Variants in NOL3 observed in about 807,000 individuals in gnomAD.
NOL3 encodes nucleolar protein 3.
In NOL3, 18 loss-of-function variants were observed where a neutral mutation model predicts 19.2. The ratio of observed to expected loss-of-function variants is 0.94; its 90% CI spans 0.65 to 1.39. The LOEUF (loss-of-function observed/expected upper bound fraction) is 1.39, where lower values mean the gene tolerates loss of function less well. Ranked by LOEUF, NOL3 falls within the 40% of genes most tolerant of loss-of-function variation. NOL3 has a pLI of 0.00. For missense variants in NOL3, 290 were observed against 289.5 expected (o/e 1.00, Z -0.01); for synonymous variants, 127 against 137.3 (o/e 0.93, Z 0.52).
At chr16:67,174,189 G>C in exon 2 of NOL3, 1 of 1,610,988 alleles carries the variant, frequency 6.2e-7, no homozygotes, top group South Asian at 1.1e-5. Flanking sequence ...GCGCAGGAGC[G>C]GCCGTCAGAG....
Position 67,174,447 on chromosome 16 carries a change from G to A in NOL3, c.278G>A (p.Trp93Ter). Residue 93 changes from tryptophan to a stop codon, truncating the protein, a stop_gained, in exon 2 of 4, where the codon TGG becomes TAG. Transcript: ENST00000268605. LOFTEE classifies it high-confidence loss of function. ...GGCGCGCCGGACCCCGCTTGGGACT[G>A]GCAGCACGTGGGTCCGGGTGAGCGC... 6.6e-7 allele frequency: 1 copy of A among 1,505,320 alleles called. No individual in the cohort carries two copies. Among genetic ancestry groups the A allele is most frequent in the Non-Finnish European group, 8.8e-7 (1 of 1,132,226 alleles). 93.2% of individuals were successfully genotyped at this position (1,505,320 alleles called of 1,614,324 possible).
At chr16:67,174,632 C>A in exon 3 of NOL3, 1 of 1,535,508 alleles carries the variant, frequency 6.5e-7, no homozygotes, top group African/African-American at 1.4e-5. Flanking sequence ...CTACCGGGAC[C>A]GCAGCTATGA....
At chr16:67,173,208 A>G (rs1156896075) in intron 1 of NOL3, among the ~76,000 whole-genome samples, 1 of 152,188 alleles carries the variant, frequency 6.6e-6, no homozygotes, top group Middle Eastern at 3.2e-3. Context: ...GGGTACTTCA[A>G]GATCAAACAA....
In NOL3 at chr16:67,175,227, C is replaced by T; in HGVS notation, c.*173C>T. The T allele has an allele frequency of 2.0e-6, 3 of 1,507,374 alleles. No homozygotes were observed. In the African/African-American group the frequency reaches 4.2e-5, roughly 21 times the overall value. 93.4% of individuals were successfully genotyped at this position (1,507,374 alleles called of 1,614,324 possible). A position where few individuals can be genotyped will look rare whatever the true frequency, so the allele number is the denominator to read the frequency against. ...CTCTCCACGATTCTGGCTGTTTGCC[C>T]AGGAACTTAGGGTGGGTACCTCTGA... is the stretch of plus-strand genomic sequence containing the variant. On this transcript the variant is annotated 3_prime_UTR_variant, in exon 4 of 4. Transcript: ENST00000268605.
chr16:67,173,343 G>T (rs1035344421), intron 1 of NOL3, among the ~76,000 whole-genome samples: 1 of 152,176 alleles, frequency 6.6e-6, no homozygotes, highest in African/African-American at 2.4e-5. Flanking sequence ...AAGAGATCTT[G>T]GTCAGAGCTA....
rs1271707063 is a variant in NOL3 at position 67,173,771 on chromosome 16, A to G, written c.-8-391A>G. 8 of 1,139,636 alleles carry G rather than the reference A, an allele frequency of 7.0e-6. No individual in the cohort carries two copies. The East Asian group carries it at 2.1e-4, about 29-fold the overall frequency. 70.6% of individuals were successfully genotyped at this position (1,139,636 alleles called of 1,614,324 possible). A position where few individuals can be genotyped will look rare whatever the true frequency, so the allele number is the denominator to read the frequency against. The stretch of plus-strand genomic sequence containing the variant: ...TTAGGTGGGGAAGCAGATTTGAGAG[A>G]AAGACCTTAGTTTGGATAAACGGGG... On this transcript the variant is annotated intron_variant, in intron 1 of 3. Coordinates refer to ENST00000268605, the Ensembl canonical transcript of NOL3.
exon 2 of NOL3, chr16:67,174,312 T>C (rs1018945656): frequency 6.2e-7 from 1 of 1,608,228 alleles, no homozygotes; most frequent in Non-Finnish European, 8.5e-7. Context: ...TACGAGGCAT[T>C]GGATGCACTG....
At chr16:67,175,195 C>T (rs1163658215) in exon 4 of NOL3, 1 of 1,545,776 alleles carries the variant, frequency 6.5e-7, no homozygotes, top group Admixed American at 1.9e-5. Context: ...CGGACGGGAC[C>T]TGGGCTCTCT....
In NOL3 at chr16:67,175,321, T is replaced by C. The variant is rs919039048; in HGVS notation, c.*267T>C. ...CCAGTCCTCAGCCCTAATCTGCCCT[T>C]AGGAGTCCAGGCTGCACCCTGGAGA... On this transcript the variant is annotated 3_prime_UTR_variant, in exon 4 of 4. Transcript: ENST00000268605. 7 of 1,376,750 alleles carry C rather than the reference T, an allele frequency of 5.1e-6. No individual in the cohort carries two copies. The Admixed American group carries it at 2.4e-4, about 46-fold the overall frequency. The allele number at this position is 1,376,750 out of a possible 1,614,324, so 85.3% of individuals were successfully genotyped here. A position where few individuals can be genotyped will look rare whatever the true frequency, so the allele number is the denominator to read the frequency against.
exon 2 of NOL3, chr16:67,174,225 T>C: frequency 6.2e-7 from 1 of 1,613,056 alleles, no homozygotes; most frequent in Non-Finnish European, 8.5e-7. Context: ...CGGAAACGCC[T>C]GGTCGAGACG....
chr16:67,175,023 GA>G, intron 3 of NOL3, 23 bp from the exon 4 acceptor site: 1 of 1,613,828 alleles, frequency 6.2e-7, no homozygotes, highest in Non-Finnish European at 8.5e-7. Context: ...CCACCTCTTT[GA>G]CCACTGTTCC....
At chr16:67,173,994 G>A (rs761063267) in intron 1 of NOL3, 168 bp from the exon 2 acceptor site, 30 of 1,540,140 alleles carry the variant, frequency 1.9e-5, no homozygotes, top group Non-Finnish European at 2.5e-5. Flanking sequence ...CGAGTTCCCC[G>A]TGTTGGCCTC....
chr16:67,174,474 CG>C lies in NOL3; in HGVS notation c.295+14del. On this transcript the variant is annotated intron_variant, in intron 2 of 3. Coordinates refer to ENST00000268605, the Ensembl canonical transcript of NOL3. ...CAGCACGTGGGTCCGGGTGAGCGCG[CG>C]GGGCGGGGCCTAGGGCAGAGCAGGG... 1 of 1,479,376 alleles carries C rather than the reference CG, an allele frequency of 6.8e-7. No homozygotes were observed. Among genetic ancestry groups the C allele is most frequent in the Non-Finnish European group, 8.9e-7 (1 of 1,121,726 alleles). 91.6% of individuals were successfully genotyped at this position (1,479,376 alleles called of 1,614,324 possible).
intron 1 of NOL3, among the ~76,000 whole-genome samples, chr16:67,173,516 G>T (rs1037728381): frequency 6.6e-6 from 1 of 152,148 alleles, no homozygotes; most frequent in Non-Finnish European, 1.5e-5. Context: ...GGGGAGAGGG[G>T]CAGGGAGGCT....
At chr16:67,174,053 T>C (rs780825474) in intron 1 of NOL3, 109 bp from the exon 2 acceptor site, 2 of 1,565,188 alleles carry the variant, frequency 1.3e-6, no homozygotes, top group South Asian at 2.3e-5. Flanking sequence ...CGAGGTGAAC[T>C]TAAACCCCAG....
chr16:67,174,710 A>G (rs1405302701), exon 3 of NOL3: 2 of 1,608,440 alleles, frequency 1.2e-6, no homozygotes, highest in Non-Finnish European at 1.7e-6. Context: ...CGGGTTGCCC[A>G]GAGCTTCAGA....
At chr16:67,174,170 A>G (rs1418616403) in exon 2 of NOL3, 5 of 1,608,552 alleles carry the variant, frequency 3.1e-6, no homozygotes, top group Non-Finnish European at 3.4e-6. Context: ...AGCCCCGACA[A>G]TGGGCAACGC....
exon 4 of NOL3, chr16:67,175,460 G>A (rs1042390210): frequency 3.0e-5 from 17 of 558,144 alleles, no homozygotes; most frequent in Non-Finnish European, 3.8e-5. Context: ...TCAACCCCAC[G>A]CAAGTTCCTG....
intron 1 of NOL3, among the ~76,000 whole-genome samples, chr16:67,172,400 C>T (rs2031817873): frequency 6.6e-6 from 1 of 151,934 alleles, no homozygotes; most frequent in Non-Finnish European, 1.5e-5. Context: ...ATCACGAGGT[C>T]AGGAGTTCGA....
Sources: gnomAD v4.1 joint callset for allele counts (sites outside exome capture counted in the v4.1 genomes callset) on GRCh38, gnomAD v4.1.1 for gene constraint, MANE v1.5 for transcripts, NCBI Gene and HGNC (gene_info 2026-07-23, HGNC 2026-07-21) for gene names.